The following DGKG variants were observed in gnomAD, a reference collection of about 807,000 sequenced individuals.
The protein encoded by DGKG is DAG kinase gamma.
Under a neutral mutation model 105.3 loss-of-function variants are expected in DGKG, and 78 were observed. The ratio of observed to expected loss-of-function variants is 0.74; its 90% CI spans 0.62 to 0.89. The LOEUF (loss-of-function observed/expected upper bound fraction) is 0.89, where lower values mean the gene tolerates loss of function less well. Ranked by LOEUF, DGKG falls within the 40% of genes least tolerant of loss-of-function variation. The probability of loss-of-function intolerance (pLI) is 0.00; values close to 1 mark genes in which losing one functional copy is unlikely to be tolerated. For missense variants in DGKG, 958 were observed against 1,020.1 expected (o/e 0.94, Z 0.83); for synonymous variants, 346 against 367.1 (o/e 0.94, Z 0.66).
Position 186,148,528 on chromosome 3 carries a change from C to A in DGKG, c.*1562G>T. 1 of 985,438 alleles carries A rather than the reference C, an allele frequency of 1.0e-6. No homozygotes were observed. The highest frequency in any genetic ancestry group is 1.2e-6 in the Non-Finnish European group (1 of 829,954). 61.0% of individuals were successfully genotyped at this position (985,438 alleles called of 1,614,324 possible). ...TGTACGTTTGTTCCTCCCTGGCAAC[C>A]TGGATCCAAGTGGACTCACTTTTCA... On this transcript the variant is annotated 3_prime_UTR_variant, in exon 25 of 25. Transcript: ENST00000265022.
intron 24 of DGKG, chr3:186,160,503 G>T: frequency 1.0e-6 from 1 of 985,336 alleles, no homozygotes; most frequent in Non-Finnish European, 1.2e-6. Flanking sequence ...GTCTTCATAA[G>T]ATTGAGGTAA....
At chr3:186,167,605 T>A (rs556556318) in intron 22 of DGKG, among the ~76,000 whole-genome samples, 1 of 152,300 alleles carries the variant, frequency 6.6e-6, no homozygotes, top group East Asian at 1.9e-4. Flanking sequence ...AATGTTTAGA[T>A]TGAGACATCT....
In DGKG at chr3:186,161,019, A is replaced by G. The variant is rs577032044; in HGVS notation, c.2277+584T>C. On this transcript the variant is annotated intron_variant, in intron 24 of 24. Transcript: ENST00000265022. ...GTTCTACGTTCTGGGTGACAGTGCCATAAACAAAATAGATAACCTGCGTGG... is the reference window on the plus strand; with the variant it reads ...GTTCTACGTTCTGGGTGACAGTGCCGTAAACAAAATAGATAACCTGCGTGG... 15 of 986,244 alleles carry G rather than the reference A, an allele frequency of 1.5e-5. No homozygotes were observed. In the East Asian group the frequency reaches 9.1e-4, roughly 60 times the overall value. 61.1% of individuals were successfully genotyped at this position (986,244 alleles called of 1,614,324 possible).
chr3:186,315,140 G>A (rs1023505445), intron 2 of DGKG, among the ~76,000 whole-genome samples: 1 of 152,164 alleles, frequency 6.6e-6, no homozygotes, highest in African/African-American at 2.4e-5. Context: ...CTCCCCTATA[G>A]TGTCCAAACA....
At chr3:186,360,803 ACT>A (rs958163694) in intron 1 of DGKG, among the ~76,000 whole-genome samples, 1 of 151,546 alleles carries the variant, frequency 6.6e-6, no homozygotes, top group African/African-American at 2.4e-5. Context: ...TGTCCTGACC[ACT>A]GTCTCTCATC....
Position 186,161,522 on chromosome 3 carries a change from G to A in DGKG, c.2277+81C>T, listed in dbSNP as rs964410823. 9 of 1,604,994 alleles carry A rather than the reference G, an allele frequency of 5.6e-6. No homozygotes were observed. The African/African-American group carries it at 1.2e-4, about 22-fold the overall frequency. On this transcript the variant is annotated intron_variant, in intron 24 of 24. Transcript: ENST00000265022. ...ACAGTCCCTGTGACTCTGAGATTCA[G>A]TGATTTCATATTAAGTCAGTGCCCA...
chr3:186,312,122 C>A (rs1240854399), intron 2 of DGKG, among the ~76,000 whole-genome samples: 3 of 17,464 alleles, frequency 1.7e-4, no homozygotes, highest in African/African-American at 5.9e-4. Context: ...GACTCCGTCT[C>A]AAAAAAAAAA....
At chr3:186,305,130 A>G (rs1310484064) in intron 3 of DGKG, among the ~76,000 whole-genome samples, 1 of 152,236 alleles carries the variant, frequency 6.6e-6, no homozygotes, top group Admixed American at 6.5e-5. Flanking sequence ...CTAGTGGGAG[A>G]GACAGACAAT....
At chr3:186,218,346 T>C (rs902803463) in intron 20 of DGKG, among the ~76,000 whole-genome samples, 4 of 151,112 alleles carry the variant, frequency 2.6e-5, no homozygotes, top group African/African-American at 9.7e-5. Flanking sequence ...CTACTAAAAA[T>C]ACAAAAAATT....
chr3:186,341,266 T>C (rs1220297851), intron 1 of DGKG, among the ~76,000 whole-genome samples: 1 of 152,206 alleles, frequency 6.6e-6, no homozygotes. Flanking sequence ...GCTGGAAGGG[T>C]AAGTTCATGT....
At chr3:186,155,926 T>C (rs1482877223) in intron 24 of DGKG, among the ~76,000 whole-genome samples, 1 of 152,256 alleles carries the variant, frequency 6.6e-6, no homozygotes, top group Non-Finnish European at 1.5e-5. Flanking sequence ...TGATATTAAA[T>C]ATTATTTCAT....
intron 1 of DGKG, among the ~76,000 whole-genome samples, chr3:186,338,815 A>G (rs2108658428): frequency 6.6e-6 from 1 of 152,308 alleles, no homozygotes; most frequent in East Asian, 1.9e-4. Context: ...ATGGAGGCTT[A>G]CGGAACATTG....
At chr3:186,351,013 G>A (rs1295337911) in intron 1 of DGKG, among the ~76,000 whole-genome samples, 1 of 152,022 alleles carries the variant, frequency 6.6e-6, no homozygotes, top group Non-Finnish European at 1.5e-5. Flanking sequence ...TCAGATATGC[G>A]GTTTTCAAAC....
At chr3:186,176,573 G>A (rs1717088623) in intron 22 of DGKG, among the ~76,000 whole-genome samples, 1 of 152,172 alleles carries the variant, frequency 6.6e-6, no homozygotes, top group African/African-American at 2.4e-5. Flanking sequence ...TGTTGGGTGT[G>A]TGTGGAAAGA....
chr3:186,265,550 G>A (rs913855713), intron 13 of DGKG, among the ~76,000 whole-genome samples: 1 of 152,154 alleles, frequency 6.6e-6, no homozygotes, highest in African/African-American at 2.4e-5. Context: ...TGAGGCAAGG[G>A]ACATAGTGGG....
At chr3:186,260,672 C>T (rs763039527) in intron 15 of DGKG, among the ~76,000 whole-genome samples, 159 bp from the exon 16 acceptor site, 10 of 152,318 alleles carry the variant, frequency 6.6e-5, no homozygotes, top group African/African-American at 2.2e-4. Context: ...CTGACCCTGG[C>T]GTCCAGGTTC....
At chr3:186,352,994 C>A (rs1013779509) in intron 1 of DGKG, among the ~76,000 whole-genome samples, 1 of 152,204 alleles carries the variant, frequency 6.6e-6, no homozygotes, top group East Asian at 1.9e-4. Flanking sequence ...ACTCATCTCC[C>A]ATAACTTTCT....
intron 9 of DGKG, among the ~76,000 whole-genome samples, chr3:186,276,986 G>A (rs1054756976): frequency 7.2e-5 from 11 of 152,156 alleles, no homozygotes; most frequent in African/African-American, 2.4e-4. Context: ...TCCAAATGCT[G>A]GCTTTCTCCT....
At chr3:186,355,261 A>G (rs371164861) in intron 1 of DGKG, among the ~76,000 whole-genome samples, 2 of 63,256 alleles carry the variant, frequency 3.2e-5, no homozygotes, top group African/African-American at 4.0e-5. Flanking sequence ...ACCAACACCA[A>G]CACCACTACC....
Sources: allele counts gnomAD v4.1 joint callset (sites outside exome capture counted in the v4.1 genomes callset), GRCh38; gene constraint gnomAD v4.1.1; transcripts MANE v1.5; gene names NCBI Gene and HGNC (gene_info 2026-07-23, HGNC 2026-07-21).